The following TXNL4A variants were observed in gnomAD, a reference collection of about 807,000 sequenced individuals.
TXNL4A encodes the protein thioredoxin like 4A.
A neutral mutation model predicts 14.6 loss-of-function variants in TXNL4A; 17 were observed. The observed-to-expected ratio is 1.16, with a 90% CI of 0.80 to 1.74. TXNL4A has a LOEUF of 1.74. Ranked by LOEUF, TXNL4A falls within the 40% of genes most tolerant of loss-of-function variation. TXNL4A has a pLI of 0.00. For synonymous variants in TXNL4A, 83 were observed against 70.6 expected (o/e 1.18, Z -0.88); for missense variants, 74 against 195.2 (o/e 0.38, Z 3.70).
intron 1 of TXNL4A, among the ~76,000 whole-genome samples, chr18:79,997,034 G>C (rs1456110396): frequency 6.6e-6 from 1 of 152,180 alleles, no homozygotes; most frequent in East Asian, 1.9e-4. Context: ...AAATGAGACA[G>C]AGAAGGAAAT....
upstream of TXNL4A, among the ~76,000 whole-genome samples, chr18:79,993,042 C>T (rs1430847871): frequency 6.6e-6 from 1 of 152,096 alleles, no homozygotes; most frequent in Non-Finnish European, 1.5e-5. This position sits in a 1 kb window ranked among gnomAD's most constrained non-coding sequence, Gnocchi z 4.4. Flanking sequence ...AAGGCGTAGA[C>T]CTGTCTCCCA....
chr18:80,006,926 C>T (rs1032743992), intron 1 of TXNL4A, among the ~76,000 whole-genome samples: 12 of 152,310 alleles, frequency 7.9e-5, no homozygotes, highest in South Asian at 4.1e-4. Flanking sequence ...GGAGTCTCTA[C>T]GCGCCAGGCG....
rs1207502995 is a variant in TXNL4A, at chr18:79,972,158, C to T, written c.*1527G>A. 1.3e-5 allele frequency: 2 copies of T among 152,304 alleles called. No individual in the cohort carries two copies. Among genetic ancestry groups the T allele is most frequent in the African/African-American group, 2.4e-5 (1 of 41,472 alleles). The allele number at this position is 152,304 out of a possible 1,614,324, so 9.4% of individuals were successfully genotyped here. ...CGACAGCAGCGAGCCCTGTGCACCA[C>T]TCCTGTGCCCGGCAGGCACCACGTG... On this transcript the variant is annotated 3_prime_UTR_variant, in exon 3 of 3. Coordinates refer to ENST00000269601, the MANE Select transcript of TXNL4A (RefSeq NM_006701.5).
intron 1 of TXNL4A, among the ~76,000 whole-genome samples, chr18:80,020,917 A>C (rs2051844421): frequency 6.6e-6 from 1 of 151,908 alleles, no homozygotes; most frequent in Non-Finnish European, 1.5e-5. Context: ...AAGGTACCTC[A>C]CTGAAGTTTG....
intron 1 of TXNL4A, among the ~76,000 whole-genome samples, chr18:80,020,137 C>G (rs1215189130): frequency 6.6e-6 from 1 of 152,216 alleles, no homozygotes; most frequent in Non-Finnish European, 1.5e-5. Flanking sequence ...TTTGCCAGCA[C>G]AGGCTCTCTC....
intron 1 of TXNL4A, chr18:79,978,035 A>G: frequency 4.4e-6 from 1 of 226,158 alleles, no homozygotes. Context: ...CGGGAAGATC[A>G]TGTGACACTA....
At chr18:80,017,614 A>G (rs911162427) in intron 1 of TXNL4A, among the ~76,000 whole-genome samples, 5 of 151,828 alleles carry the variant, frequency 3.3e-5, no homozygotes, top group African/African-American at 1.2e-4. Context: ...GCATGTATTG[A>G]GATAATCATG....
intron 1 of TXNL4A, chr18:80,030,548 G>A (rs1343934911): frequency 1.3e-5 from 2 of 152,240 alleles, no homozygotes; most frequent in East Asian, 1.9e-4. Flanking sequence ...CCAGCCTCCA[G>A]TGGTGGGTAT....
At chr18:80,026,849 T>A (rs377398274) in intron 1 of TXNL4A, among the ~76,000 whole-genome samples, 1 of 152,280 alleles carries the variant, frequency 6.6e-6, no homozygotes, top group East Asian at 1.9e-4. Context: ...TTTTTAAGAA[T>A]TGGAACCAGA....
chr18:80,003,763 C>T (rs1324531011), intron 1 of TXNL4A, among the ~76,000 whole-genome samples: 1 of 152,152 alleles, frequency 6.6e-6, no homozygotes, highest in African/African-American at 2.4e-5. Context: ...ACTCACGGTT[C>T]CACATTGCTG....
chr18:79,990,030 G>A (rs2051615546), upstream of TXNL4A, among the ~76,000 whole-genome samples: 1 of 152,174 alleles, frequency 6.6e-6, no homozygotes, highest in Non-Finnish European at 1.5e-5. Flanking sequence ...AGATGCTGTG[G>A]TGTCTCTCAG....
rs977269874 is a variant in TXNL4A, at chr18:79,993,598, G to A, written c.-60-15897C>T. 1.4e-4 allele frequency among the ~76,000 whole-genome samples: 22 copies of A among 152,094 alleles called. No homozygotes were observed. The highest frequency in any genetic ancestry group is 4.6e-4 in the African/African-American group (19 of 41,518). On this transcript the variant is annotated intron_variant, in intron 1 of 2. Transcript: ENST00000585474. The surrounding 1 kb of genome is among the most constrained non-coding windows in gnomAD (Gnocchi z 4.4). ...TTTGCTTAGCTGTTTTGTTGTTTCCGTCTTGTTGGGTTGTGTGTGTTGGGT... is the reference window on the plus strand; with the variant it reads ...TTTGCTTAGCTGTTTTGTTGTTTCCATCTTGTTGGGTTGTGTGTGTTGGGT...
chr18:80,018,662 G>A (rs560086966), intron 1 of TXNL4A, among the ~76,000 whole-genome samples: 46 of 152,254 alleles, frequency 3.0e-4, no homozygotes, highest in African/African-American at 9.4e-4. Context: ...TATCATCACC[G>A]ATCCCACAGA....
At chr18:79,986,926 T>C (rs1424409000) in intron 1 of TXNL4A, among the ~76,000 whole-genome samples, 2 of 152,174 alleles carry the variant, frequency 1.3e-5, no homozygotes, top group African/African-American at 4.8e-5. Flanking sequence ...TCTCTCATCA[T>C]CTCTAATCCC....
rs2051319809 is a variant in TXNL4A, at chr18:79,972,919, AG to A, written c.*765del. On this transcript the variant is annotated 3_prime_UTR_variant, in exon 3 of 3. Transcript: ENST00000269601. ...ATTTTATTGTACTGTTTTTATAACC[AG>A]AGTAAACCTTTGGATTCTGTCATGG... The A allele has an allele frequency of 1.3e-5, 2 of 152,244 alleles. No individual in the cohort carries two copies. Among genetic ancestry groups the A allele is most frequent in the Admixed American group, 1.3e-4 (2 of 15,280 alleles). 9.4% of individuals were successfully genotyped at this position (152,244 alleles called of 1,614,324 possible).
At chr18:80,012,284 T>C (rs1001605125) in intron 1 of TXNL4A, among the ~76,000 whole-genome samples, 2 of 152,348 alleles carry the variant, frequency 1.3e-5, no homozygotes, top group Admixed American at 1.3e-4. Context: ...TTTAAGTTTT[T>C]TCTGTTAAAT....
At chr18:80,005,175 G>A (rs1179685971) in intron 1 of TXNL4A, among the ~76,000 whole-genome samples, 3 of 152,210 alleles carry the variant, frequency 2.0e-5, no homozygotes, top group Admixed American at 6.5e-5. Context: ...AGCATGCAGA[G>A]GGAAGGCCCT....
intron 1 of TXNL4A, among the ~76,000 whole-genome samples, chr18:79,983,044 A>C (rs962277061): frequency 1.3e-5 from 2 of 152,182 alleles, no homozygotes; most frequent in Non-Finnish European, 2.9e-5. Flanking sequence ...TTTGTCACCC[A>C]GGCTGGAGCA....
intron 1 of TXNL4A, among the ~76,000 whole-genome samples, chr18:79,979,816 A>G (rs2051436165): frequency 6.6e-6 from 1 of 152,186 alleles, no homozygotes; most frequent in Admixed American, 6.5e-5. Flanking sequence ...ATTATTTCCT[A>G]AAGACAAATT....
Sources: allele counts gnomAD v4.1 joint callset (sites outside exome capture counted in the v4.1 genomes callset), GRCh38; gene constraint gnomAD v4.1.1; non-coding constraint Gnocchi (gnomAD v3.1); transcripts MANE v1.5; gene names NCBI Gene and HGNC (gene_info 2026-07-23, HGNC 2026-07-21).